Variants in TCTN3 observed in about 807,000 individuals in gnomAD.
TCTN3 encodes tectonic family member 3.
TCTN3 carries 57 observed loss-of-function variants against 71.3 expected under a neutral mutation model. That is an observed-to-expected ratio of 0.80 (90% CI 0.65 to 1.00). The LOEUF (loss-of-function observed/expected upper bound fraction) is 1.00. Among genes scored for constraint, TCTN3 ranks in the 50% least tolerant of loss-of-function variants. The pLI, the probability that TCTN3 is intolerant of heterozygous loss-of-function variation, is 0.00. For synonymous variants in TCTN3, 258 were observed against 267.8 expected (o/e 0.96, Z 0.36); for missense variants, 696 against 719.9 (o/e 0.97, Z 0.38).
chr10:95,663,860 A>G lies in TCTN3; in HGVS notation c.*207T>C, dbSNP rs1373976242. The G allele has an allele frequency of 1.8e-5, 9 of 505,136 alleles. No homozygotes were observed. The highest frequency in any genetic ancestry group is 3.3e-5 in the Admixed American group (1 of 30,580). The allele number at this position is 505,136 out of a possible 1,614,324, so 31.3% of individuals were successfully genotyped here. On this transcript the variant is annotated 3_prime_UTR_variant, in exon 14 of 14. Coordinates refer to ENST00000371217, the MANE Select transcript of TCTN3 (RefSeq NM_015631.6). Reference sequence around the variant, plus strand: ...CTCATGTGTATCTGGTGGCCTGCAGAGCCCAAAGCAGAGAGCTATGATGAA... The same window carrying G: ...CTCATGTGTATCTGGTGGCCTGCAGGGCCCAAAGCAGAGAGCTATGATGAA...
At chr10:95,687,422 A>G (rs375717202) in intron 4 of TCTN3, 67 bp from the exon 5 acceptor site, 2 of 1,518,636 alleles carry the variant, frequency 1.3e-6, no homozygotes, top group Non-Finnish European at 1.8e-6. Context: ...GAAAAGAAAG[A>G]GTAGAAACAA....
At position 95,664,468 on chromosome 10, in the gene TCTN3, GA is replaced by G. The variant is rs34600641; in HGVS notation, c.1591-169del. 0.21 allele frequency among the ~76,000 whole-genome samples: 32,221 copies of G among 152,094 alleles called. 3,570 individuals are homozygous for G. The highest frequency in any genetic ancestry group is 0.25 in the Middle Eastern group (74 of 294). ...TAGTTCTCTTTCAGTGAGACACAAG[GA>G]AATGAATATCTTAGCAATAGTCAAT... is the stretch of plus-strand genomic sequence containing the variant. On this transcript the variant is annotated intron_variant, in intron 13 of 13. Transcript: ENST00000371217.
rs150255447 is a variant in TCTN3, at chr10:95,684,605, G to C, written c.989C>G (p.Thr330Ser). The change falls in exon 9 of 14, where the codon ACC becomes AGC. Residue 330 changes from threonine (T) to serine (S), a missense_variant. Transcript: ENST00000371217. Reference sequence around the variant, plus strand: ...TTTCTGGATTCCAAAAGTCCCATTGGTCTCTATCTCATAGGTGACCTGAAA... The same window carrying C: ...TTTCTGGATTCCAAAAGTCCCATTGCTCTCTATCTCATAGGTGACCTGAAA... The part of the protein sequence containing the change: ...VVSQVTYEIE[T>S]NGTFGIQKVS... The C allele has an allele frequency of 1.2e-6, 2 of 1,613,918 alleles. No individual in the cohort carries two copies. Among genetic ancestry groups the C allele is most frequent in the Non-Finnish European group, 1.7e-6 (2 of 1,179,898 alleles).
At chr10:95,675,653 G>A (rs1221664552) in intron 13 of TCTN3, among the ~76,000 whole-genome samples, 2 of 152,168 alleles carry the variant, frequency 1.3e-5, no homozygotes, top group African/African-American at 4.8e-5. Context: ...TAGTTATTAA[G>A]TCTACTGGTG....
In TCTN3 at chr10:95,674,505, C is replaced by T. The variant is rs750294993; in HGVS notation, c.1590+5967G>A. ...ATATCCATATGTATATTTTTAACCACGAGATCATACTGTACAGGCTGTCTT... is the reference window on the plus strand; with the variant it reads ...ATATCCATATGTATATTTTTAACCATGAGATCATACTGTACAGGCTGTCTT... On this transcript the variant is annotated intron_variant, in intron 13 of 13. Transcript: ENST00000371217. Among the ~76,000 whole-genome samples, 6 of 152,032 alleles carry T rather than the reference C, an allele frequency of 3.9e-5. No homozygotes were observed. In the East Asian group the frequency reaches 5.8e-4, roughly 15 times the overall value.
chr10:95,676,160 G>C (rs1034129394), intron 13 of TCTN3, among the ~76,000 whole-genome samples: 2 of 152,010 alleles, frequency 1.3e-5, no homozygotes, highest in African/African-American at 4.8e-5. Context: ...TCCTCTGAAA[G>C]TGTTTTTCAA....
At chr10:95,668,484 A>C (rs2097927797) in intron 13 of TCTN3, among the ~76,000 whole-genome samples, 1 of 152,200 alleles carries the variant, frequency 6.6e-6, no homozygotes, top group Non-Finnish European at 1.5e-5. Context: ...GAAGACAATG[A>C]AAGAATGCCT....
intron 9 of TCTN3, among the ~76,000 whole-genome samples, chr10:95,683,885 T>G (rs2097945697): frequency 6.6e-6 from 1 of 152,174 alleles, no homozygotes; most frequent in African/African-American, 2.4e-5. Context: ...AAGAATCTAC[T>G]AAGGATCCCT....
chr10:95,687,639 ATTCGCC>A lies in TCTN3; in HGVS notation c.574_579del (p.Gly192_Glu193del). 6.2e-7 allele frequency: 1 copy of A among 1,614,188 alleles called. No individual in the cohort carries two copies. Among genetic ancestry groups the A allele is most frequent in the South Asian group, 1.1e-5 (1 of 91,082 alleles). Reference sequence around the variant, plus strand: ...TGAGTTTGGAATGTTGAAGTGAATGATTCGCCTCCAAACTCTGCAGCCAGGGCCTGG... The same window carrying A: ...TGAGTTTGGAATGTTGAAGTGAATGATCCAAACTCTGCAGCCAGGGCCTGG... On this transcript the variant is annotated inframe_deletion, in exon 4 of 14. Coordinates refer to ENST00000371217, the MANE Select transcript of TCTN3 (RefSeq NM_015631.6).
At chr10:95,679,351 C>G (rs2097940488) in intron 13 of TCTN3, among the ~76,000 whole-genome samples, 1 of 152,264 alleles carries the variant, frequency 6.6e-6, no homozygotes, top group East Asian at 1.9e-4. Flanking sequence ...TTCTGGTAAC[C>G]TGAGTGTTGA....
intron 13 of TCTN3, among the ~76,000 whole-genome samples, chr10:95,679,988 A>C (rs562944490): frequency 1.3e-5 from 2 of 152,352 alleles, no homozygotes; most frequent in Non-Finnish European, 2.9e-5. Flanking sequence ...CCTAAGGCGC[A>C]TAATAAACAA....
chr10:95,669,411 T>C (rs948270655), intron 13 of TCTN3, among the ~76,000 whole-genome samples: 5 of 152,218 alleles, frequency 3.3e-5, no homozygotes, highest in Non-Finnish European at 7.3e-5. Flanking sequence ...CCTTGACTCC[T>C]TCCCCCTCAA....
At chr10:95,672,176 G>GTGTGTGTGTGTGTGTGTGTGT (rs1555268634) in intron 13 of TCTN3, among the ~76,000 whole-genome samples, 1 of 151,850 alleles carries the variant, frequency 6.6e-6, no homozygotes, top group Non-Finnish European at 1.5e-5. Flanking sequence ...GTGTGTGTCT[G>GTGTGTGTGTGTGTGTGTGTGT]GCTTCTTTCA....
At chr10:95,688,071 G>A (rs1161400843) in intron 3 of TCTN3, among the ~76,000 whole-genome samples, 1 of 152,140 alleles carries the variant, frequency 6.6e-6, no homozygotes, top group Non-Finnish European at 1.5e-5. Flanking sequence ...TCAAGAATGT[G>A]TATGATCAGC....
At chr10:95,678,500 T>C (rs1463125795) in intron 13 of TCTN3, among the ~76,000 whole-genome samples, 1 of 138,050 alleles carries the variant, frequency 7.2e-6, no homozygotes, top group Non-Finnish European at 1.5e-5. Flanking sequence ...ACCACTGTAC[T>C]CCAGGCTGGG....
rs151190157 is a variant in TCTN3 at position 95,683,044 on chromosome 10, A to T, written c.1298+57T>A. Reference sequence around the variant, plus strand: ...TAAAAATATAAAAGTTACCATATCAACATATTCCCTACATATTCCCGAAAT... The same window carrying T: ...TAAAAATATAAAAGTTACCATATCATCATATTCCCTACATATTCCCGAAAT... On this transcript the variant is annotated intron_variant, in intron 11 of 13. Coordinates refer to ENST00000371217, the MANE Select transcript of TCTN3 (RefSeq NM_015631.6). 7,126 of 1,489,822 alleles carry T rather than the reference A, an allele frequency of 4.8e-3. 34 individuals carry two copies. Among genetic ancestry groups the T allele is most frequent in the Non-Finnish European group, 5.2e-3 (5,568 of 1,070,926 alleles). 92.3% of individuals were successfully genotyped at this position (1,489,822 alleles called of 1,614,324 possible). A position where few individuals can be genotyped will look rare whatever the true frequency, so the allele number is the denominator to read the frequency against.
intron 13 of TCTN3, among the ~76,000 whole-genome samples, chr10:95,672,160 T>TTTTGTGTGTGTGTGTGTGTGTG (rs1555268626): frequency 3.6e-5 from 5 of 139,568 alleles, no homozygotes; most frequent in Admixed American, 7.4e-5. Flanking sequence ...ATTATTATTA[T>TTTTGTGTGTGTGTGTGTGTGTG]TGTGTGTGTG....
rs2097930678 is a variant in TCTN3 at position 95,671,040 on chromosome 10, G to C, written c.1591-6740C>G. On this transcript the variant is annotated intron_variant, in intron 13 of 13. Transcript: ENST00000371217. ...TTGAGTATATTCAGTGTTTTATTTT[G>C]ATTCTCAAGTCTAAATTTTTCCATT... Among the ~76,000 whole-genome samples, 3 of 152,156 alleles carry C rather than the reference G, an allele frequency of 2.0e-5. No homozygotes were observed. The South Asian group carries it at 6.2e-4, about 31-fold the overall frequency.
chr10:95,686,616 T>G, intron 6 of TCTN3, 86 bp from the exon 7 acceptor site: 1 of 1,397,910 alleles, frequency 7.2e-7, no homozygotes, highest in Non-Finnish European at 1.0e-6. Context: ...ACCAATAGGC[T>G]TTGGTTTGGC....
Sources: gnomAD v4.1 joint callset for allele counts (sites outside exome capture counted in the v4.1 genomes callset) on GRCh38, gnomAD v4.1.1 for gene constraint, MANE v1.5 for transcripts, NCBI Gene and HGNC (gene_info 2026-07-23, HGNC 2026-07-21) for gene names.